LHFPL2: variants seen among roughly 807,000 people sequenced by gnomAD.
LHFPL2 encodes the protein LHFPL tetraspan subfamily member 2.
Under a neutral mutation model 17.5 loss-of-function variants are expected in LHFPL2, and 7 were observed. The ratio of observed to expected loss-of-function variants is 0.40; its 90% CI spans 0.23 to 0.75. The LOEUF is 0.75. LHFPL2 is among the 30% of genes least tolerant of loss of function. The probability of loss-of-function intolerance (pLI) is 0.37; values close to 1 mark genes in which losing one functional copy is unlikely to be tolerated. For missense variants in LHFPL2, 241 were observed against 294.8 expected, an observed-to-expected ratio of 0.82 and a Z score of 1.34; for synonymous variants, 134 against 116.2, an observed-to-expected ratio of 1.15 and a Z score of -0.99.
At chr5:78,506,819 GCAGT>G (rs1441965784) in intron 4 of LHFPL2, among the ~76,000 whole-genome samples, 2 of 152,214 alleles carry the variant, frequency 1.3e-5, no homozygotes, top group African/African-American at 4.8e-5. Context: ...CTCCTAGACA[GCAGT>G]CAAACTATGC....
chr5:78,616,810 T>C (rs1231103468), intron 2 of LHFPL2, among the ~76,000 whole-genome samples: 1 of 152,188 alleles, frequency 6.6e-6, no homozygotes. Flanking sequence ...CCTGACAACC[T>C]GGACTGGTTT....
chr5:78,635,273 A>C (rs1166483665), intron 1 of LHFPL2, among the ~76,000 whole-genome samples: 1 of 152,260 alleles, frequency 6.6e-6, no homozygotes, highest in East Asian at 1.9e-4. Context: ...CAGATACGAC[A>C]GAGAAAGCAT....
intron 1 of LHFPL2, among the ~76,000 whole-genome samples, chr5:78,645,543 TACAC>T (rs56911011): frequency 0.047 from 6,469 of 137,106 alleles, 197 homozygotes; most frequent in East Asian, 0.1. Context: ...GACAGATGCA[TACAC>T]ACACACACAC....
chr5:78,570,956 T>C (rs76767956), intron 2 of LHFPL2, among the ~76,000 whole-genome samples: 1 of 151,984 alleles, frequency 6.6e-6, no homozygotes, highest in Non-Finnish European at 1.5e-5. Flanking sequence ...AACAGACCAA[T>C]GTTTCTGAAA....
chr5:78,506,230 G>T (rs919123044), intron 4 of LHFPL2, among the ~76,000 whole-genome samples: 1 of 152,136 alleles, frequency 6.6e-6, no homozygotes. Context: ...TTTTTTTATA[G>T]ACAGTGAAGG....
intron 2 of LHFPL2, among the ~76,000 whole-genome samples, chr5:78,605,027 T>C (rs1435330186): frequency 6.6e-6 from 1 of 152,234 alleles, no homozygotes; most frequent in Non-Finnish European, 1.5e-5. Flanking sequence ...ATAATGTGCC[T>C]GAAAAACTCA....
intron 3 of LHFPL2, among the ~76,000 whole-genome samples, chr5:78,534,065 G>A (rs1724316711): frequency 6.6e-6 from 1 of 152,216 alleles, no homozygotes; most frequent in South Asian, 2.1e-4. Flanking sequence ...CACCGATGCT[G>A]GGGCAGGGAG....
chr5:78,550,728 G>A (rs1424381485), intron 3 of LHFPL2, among the ~76,000 whole-genome samples: 1 of 152,006 alleles, frequency 6.6e-6, no homozygotes, highest in Non-Finnish European at 1.5e-5. Context: ...CCACCACCAG[G>A]CTCGGCTAAT....
At chr5:78,524,262 C>G (rs1755548654) in intron 3 of LHFPL2, among the ~76,000 whole-genome samples, 1 of 152,198 alleles carries the variant, frequency 6.6e-6, no homozygotes, top group African/African-American at 2.4e-5. Context: ...TTCGGGCACA[C>G]TCACTCATGG....
chr5:78,520,298 C>T (rs1248608909), intron 3 of LHFPL2, among the ~76,000 whole-genome samples: 2 of 152,162 alleles, frequency 1.3e-5, no homozygotes, highest in Admixed American at 1.3e-4. Flanking sequence ...ACTAGGCAGG[C>T]AGGCAGGAAA....
At chr5:78,565,830 T>C (rs1157784374) in intron 2 of LHFPL2, among the ~76,000 whole-genome samples, 2 of 152,220 alleles carry the variant, frequency 1.3e-5, no homozygotes, top group Non-Finnish European at 2.9e-5. Flanking sequence ...ACAAAGCCTA[T>C]TCATCACCTC....
chr5:78,589,492 C>T (rs1743551197), intron 2 of LHFPL2, among the ~76,000 whole-genome samples: 1 of 151,296 alleles, frequency 6.6e-6, no homozygotes, highest in South Asian at 2.1e-4. Flanking sequence ...AATTAGAAGT[C>T]ATCTAATTTA....
chr5:78,619,046 G>A (rs1378374166), intron 2 of LHFPL2, among the ~76,000 whole-genome samples: 10 of 151,694 alleles, frequency 6.6e-5, no homozygotes, highest in Non-Finnish European at 1.5e-4. Context: ...TTTTTTTTGA[G>A]GCAAGGTCTG....
intron 4 of LHFPL2, among the ~76,000 whole-genome samples, chr5:78,499,740 C>T (rs775956773): frequency 6.6e-5 from 10 of 152,124 alleles, no homozygotes; most frequent in Non-Finnish European, 1.2e-4. Flanking sequence ...ATAAAGGTAG[C>T]CTATTGTCAA....
chr5:78,637,704 C>G (rs892331816), intron 1 of LHFPL2, among the ~76,000 whole-genome samples: 6 of 152,240 alleles, frequency 3.9e-5, no homozygotes, highest in African/African-American at 1.4e-4. Context: ...TGAGGCCTTG[C>G]TATTCAAAGT....
intron 3 of LHFPL2, among the ~76,000 whole-genome samples, chr5:78,513,473 GTAAGTTTGC>G (rs1313727029): frequency 6.6e-6 from 1 of 152,198 alleles, no homozygotes; most frequent in African/African-American, 2.4e-5. Flanking sequence ...GTTCTCCCTA[GTAAGTTTGC>G]TAACTGCTAC....
intron 1 of LHFPL2, among the ~76,000 whole-genome samples, chr5:78,646,682 T>C (rs564668052): frequency 6.6e-6 from 1 of 152,336 alleles, no homozygotes; most frequent in African/African-American, 2.4e-5. Context: ...TTTTATATAT[T>C]GTTTTTCTAT....
chr5:78,617,930 C>T (rs948863621), intron 2 of LHFPL2, among the ~76,000 whole-genome samples: 7 of 152,006 alleles, frequency 4.6e-5, no homozygotes, highest in South Asian at 2.1e-4. Context: ...GGGCTGGGCG[C>T]GGTGGCTCAC....
At chr5:78,616,598 G>A (rs1744623410) in intron 2 of LHFPL2, among the ~76,000 whole-genome samples, 1 of 152,198 alleles carries the variant, frequency 6.6e-6, no homozygotes. Flanking sequence ...GTGTGCTGAT[G>A]TGTCCCAGAG....
Sources: gnomAD v4.1 joint callset for allele counts (sites outside exome capture counted in the v4.1 genomes callset) on GRCh38, gnomAD v4.1.1 for gene constraint, MANE v1.5 for transcripts, NCBI Gene and HGNC (gene_info 2026-07-23, HGNC 2026-07-21) for gene names.